PALM2AKAP2: variants seen among roughly 807,000 people sequenced by gnomAD.
The protein encoded by PALM2AKAP2 is PALM2-AKAP2 fusion protein.
A neutral mutation model predicts 71.5 loss-of-function variants in PALM2AKAP2; 37 were observed. The ratio of observed to expected loss-of-function variants is 0.52; its 90% CI spans 0.40 to 0.68. PALM2AKAP2 has a LOEUF of 0.68. Among genes scored for constraint, PALM2AKAP2 ranks in the 30% least tolerant of loss-of-function variants. PALM2AKAP2 has a pLI of 0.00. For synonymous variants in PALM2AKAP2, 468 were observed against 478.8 expected, an observed-to-expected ratio of 0.98 and a Z score of 0.29; for missense variants, 1,224 against 1,191.8, an observed-to-expected ratio of 1.03 and a Z score of -0.40.
chr9:109,685,665 G>A (rs937110827), intron 1 of PALM2AKAP2, among the ~76,000 whole-genome samples: 2 of 152,020 alleles, frequency 1.3e-5, no homozygotes, highest in Admixed American at 1.3e-4. Context: ...TGAACCCTCA[G>A]TGAATTATAT....
chr9:109,958,623 GAAGA>G (rs1271392294), intron 6 of PALM2AKAP2, among the ~76,000 whole-genome samples: 1 of 152,024 alleles, frequency 6.6e-6, no homozygotes, highest in African/African-American at 2.4e-5. Flanking sequence ...GAAAAGGAAG[GAAGA>G]AAGAAGGAAG....
At chr9:109,791,130 T>C (rs1827101035) in intron 1 of PALM2AKAP2, among the ~76,000 whole-genome samples, 1 of 152,198 alleles carries the variant, frequency 6.6e-6, no homozygotes, top group African/African-American at 2.4e-5. Context: ...GAATGTACTT[T>C]CCAATCTTAC....
intron 3 of PALM2AKAP2, among the ~76,000 whole-genome samples, chr9:109,885,434 A>G (rs928128511): frequency 6.6e-5 from 10 of 152,228 alleles, no homozygotes; most frequent in Non-Finnish European, 5.9e-5. Context: ...GATCCAAGTA[A>G]GGAGTCCTGT....
intron 7 of PALM2AKAP2, among the ~76,000 whole-genome samples, chr9:110,033,267 C>A (rs1412240737): frequency 2.0e-5 from 3 of 152,292 alleles, no homozygotes; most frequent in Admixed American, 1.3e-4. Context: ...AAAGACACAG[C>A]AAATCTTTTT....
intron 1 of PALM2AKAP2, among the ~76,000 whole-genome samples, chr9:109,822,097 A>C (rs957567331): frequency 6.6e-6 from 1 of 152,270 alleles, no homozygotes; most frequent in Non-Finnish European, 1.5e-5. Context: ...GTTCTAAGGC[A>C]TAGAGACAGC....
chr9:109,895,907 C>G (rs1467238050), intron 3 of PALM2AKAP2, among the ~76,000 whole-genome samples: 1 of 152,068 alleles, frequency 6.6e-6, no homozygotes, highest in Non-Finnish European at 1.5e-5. Context: ...GGGGGAAAAT[C>G]TCCTTGTGAT....
intron 5 of PALM2AKAP2, among the ~76,000 whole-genome samples, chr9:109,929,863 C>CAAAAA (rs58029417): frequency 2.9e-5 from 2 of 69,412 alleles, no homozygotes; most frequent in African/African-American, 1.1e-4. Context: ...GACTCCATTT[C>CAAAAA]AAAAAAAAAA....
intron 1 of PALM2AKAP2, among the ~76,000 whole-genome samples, chr9:109,797,696 G>A (rs570619996): frequency 2.0e-5 from 3 of 152,270 alleles, no homozygotes; most frequent in East Asian, 1.9e-4. Flanking sequence ...GGAAGCAGGC[G>A]GCCTGCAGAT....
chr9:109,736,873 A>G (rs78537772), intron 1 of PALM2AKAP2, among the ~76,000 whole-genome samples: 6,491 of 152,274 alleles, frequency 0.043, 191 homozygotes, highest in Non-Finnish European at 0.053. Flanking sequence ...TACAGCTAAC[A>G]TGTGGTGTGA....
chr9:109,769,145 A>G (rs1314620056), intron 1 of PALM2AKAP2, among the ~76,000 whole-genome samples: 3 of 151,482 alleles, frequency 2.0e-5, no homozygotes, highest in Non-Finnish European at 4.4e-5. Context: ...TCTGCCTTAT[A>G]AGAACCCATA....
chr9:109,641,027 C>T (rs1238671142), intron 1 of PALM2AKAP2, among the ~76,000 whole-genome samples: 1 of 152,208 alleles, frequency 6.6e-6, no homozygotes, highest in Non-Finnish European at 1.5e-5. Flanking sequence ...GCCGCGGCGG[C>T]AGGAGGCAAG....
chr9:109,677,718 G>T (rs10979995), intron 1 of PALM2AKAP2, among the ~76,000 whole-genome samples: 5 of 151,368 alleles, frequency 3.3e-5, no homozygotes, highest in African/African-American at 4.9e-5. Context: ...GGGTTGACTT[G>T]GTCCTGCATT....
chr9:109,962,606 T>C (rs1029751659), intron 6 of PALM2AKAP2, among the ~76,000 whole-genome samples: 1 of 152,172 alleles, frequency 6.6e-6, no homozygotes, highest in Non-Finnish European at 1.5e-5. Context: ...CCACTAGCAG[T>C]TACTGAGCAC....
At chr9:109,681,230 GC>G (rs1359414139) in intron 1 of PALM2AKAP2, among the ~76,000 whole-genome samples, 2 of 152,220 alleles carry the variant, frequency 1.3e-5, no homozygotes, top group Non-Finnish European at 2.9e-5. Flanking sequence ...CACATTAACT[GC>G]CCACACATCA....
chr9:109,780,241 G>A, upstream of PALM2AKAP2: 1 of 1,106,662 alleles, frequency 9.0e-7, no homozygotes, highest in Non-Finnish European at 1.1e-6. Context: ...GCGGCGACCG[G>A]GAGATGCAGT....
chr9:109,849,148 ATGT>A (rs1335371634), intron 1 of PALM2AKAP2, among the ~76,000 whole-genome samples: 4 of 152,128 alleles, frequency 2.6e-5, no homozygotes, highest in Non-Finnish European at 5.9e-5. Context: ...TTCACAAAGT[ATGT>A]TATTTCCTAA....
intron 7 of PALM2AKAP2, among the ~76,000 whole-genome samples, chr9:110,030,717 C>A (rs960802236): frequency 1.3e-5 from 2 of 152,110 alleles, no homozygotes; most frequent in Non-Finnish European, 2.9e-5. Context: ...AGTGGCCTGC[C>A]CCCTTGCCCT....
At chr9:109,839,800 C>A (rs1828601340) in intron 1 of PALM2AKAP2, among the ~76,000 whole-genome samples, 1 of 152,158 alleles carries the variant, frequency 6.6e-6, no homozygotes, top group Non-Finnish European at 1.5e-5. Flanking sequence ...AAGAATCCAA[C>A]TTACAAGGGA....
At chr9:109,978,571 G>A (rs547797149) in intron 6 of PALM2AKAP2, among the ~76,000 whole-genome samples, 9 of 152,300 alleles carry the variant, frequency 5.9e-5, no homozygotes, top group Non-Finnish European at 1.0e-4. Flanking sequence ...TATGTTGCCT[G>A]TAAGGACTCT....
Sources: allele counts gnomAD v4.1 joint callset (sites outside exome capture counted in the v4.1 genomes callset), GRCh38; gene constraint gnomAD v4.1.1; transcripts MANE v1.5; gene names NCBI Gene and HGNC (gene_info 2026-07-23, HGNC 2026-07-21).